Variants in AMMECR1 observed in about 807,000 individuals in gnomAD.
The protein encoded by AMMECR1 is AMMECR nuclear protein 1.
In AMMECR1, 3 loss-of-function variants were observed where a neutral mutation model predicts 22.5. The ratio of observed to expected loss-of-function variants is 0.13; its 90% CI spans 0.06 to 0.35. The LOEUF (loss-of-function observed/expected upper bound fraction) is 0.35. Ranked by LOEUF, AMMECR1 falls within the 10% of genes least tolerant of loss-of-function variation. The probability of loss-of-function intolerance (pLI) is 1.00; values close to 1 mark genes in which losing one functional copy is unlikely to be tolerated. For synonymous variants in AMMECR1, 130 were observed against 116.7 expected, an observed-to-expected ratio of 1.11 and a Z score of -0.74; for missense variants, 235 against 278.7, an observed-to-expected ratio of 0.84 and a Z score of 1.12.
chrX:110,405,087 GTCC>G (rs1185153609), intron 2 of AMMECR1, among the ~76,000 whole-genome samples: 7 of 76,626 alleles, frequency 9.1e-5, no homozygotes, highest in African/African-American at 6.3e-4. Context: ...TGCTTGTTGT[GTCC>G]CCCCCCCCCC....
intron 2 of AMMECR1, among the ~76,000 whole-genome samples, chrX:110,325,219 T>A (rs1019321516): frequency 3.6e-5 from 4 of 112,161 alleles, no homozygotes. Context: ...GATATTTTGA[T>A]ACTAGCTTAC....
chrX:110,231,064 GA>G (rs1382936314), intron 2 of AMMECR1, among the ~76,000 whole-genome samples: 1 of 112,325 alleles, frequency 8.9e-6, no homozygotes, highest in Non-Finnish European at 1.9e-5. Flanking sequence ...TGGTGTACCT[GA>G]AAGTGATGGG....
intron 2 of AMMECR1, among the ~76,000 whole-genome samples, chrX:110,371,631 G>C (rs1362691604): frequency 2.7e-5 from 3 of 111,269 alleles, no homozygotes; most frequent in Non-Finnish European, 3.8e-5. Flanking sequence ...ACTAACAGGG[G>C]ACTGGAGATC....
At chrX:110,199,751 C>T (rs1468127210) in intron 5 of AMMECR1, among the ~76,000 whole-genome samples, 1 of 111,259 alleles carries the variant, frequency 9.0e-6, no homozygotes, top group African/African-American at 3.3e-5. Context: ...CCCTGTTGCA[C>T]CTCTTTTGGA....
intron 1 of AMMECR1, among the ~76,000 whole-genome samples, chrX:110,292,175 A>G (rs1218849440): frequency 8.9e-6 from 1 of 112,409 alleles, no homozygotes; most frequent in Non-Finnish European, 1.9e-5. Context: ...TTTTAAAAAG[A>G]AAAGAACCAG....
At position 110,298,070 on chromosome X, in the gene AMMECR1, T is replaced by C. The variant is rs185083110; in HGVS notation, c.473+19529A>G. On this transcript the variant is annotated intron_variant, in intron 1 of 5. Coordinates refer to ENST00000262844, the MANE Select transcript of AMMECR1 (RefSeq NM_015365.3). The stretch of plus-strand genomic sequence containing the variant: ...AAATACTGCTTTATTTTTTTAAAGA[T>C]TCACATACTTTAATTTTAAATAAAA... Among the ~76,000 whole-genome samples, 4 of 111,849 alleles carry C rather than the reference T, an allele frequency of 3.6e-5. No individual in the cohort carries two copies. In the East Asian group the frequency reaches 1.1e-3, roughly 31 times the overall value.
At chrX:110,288,483 C>T (rs2067892103) in intron 1 of AMMECR1, among the ~76,000 whole-genome samples, 1 of 111,980 alleles carries the variant, frequency 8.9e-6, no homozygotes, top group Non-Finnish European at 1.9e-5. Flanking sequence ...TCAGATTGTG[C>T]GCTCTCAGAA....
intron 2 of AMMECR1, among the ~76,000 whole-genome samples, chrX:110,254,799 A>G (rs2067702634): frequency 8.9e-6 from 1 of 112,282 alleles, no homozygotes; most frequent in Admixed American, 9.5e-5. Flanking sequence ...ATTCTTTAAA[A>G]TAAGGTGCAA....
intron 2 of AMMECR1, among the ~76,000 whole-genome samples, chrX:110,336,718 T>C (rs2068143241): frequency 9.1e-6 from 1 of 109,594 alleles, no homozygotes; most frequent in East Asian, 2.9e-4. Flanking sequence ...AAATCTAATA[T>C]GGAGCCCATG....
rs1405764393 is a variant in AMMECR1 at position 110,367,758 on chromosome X, T to G, written c.-147-49909A>C. Among the ~76,000 whole-genome samples, 3 of 110,620 alleles carry G rather than the reference T, an allele frequency of 2.7e-5. 1 individual carries two copies. The highest frequency in any genetic ancestry group is 9.9e-5 in the African/African-American group (3 of 30,430). ...CTTGGAGTCTGACTTGACTCCCTTT[T>G]TCTCTCACACTCCAGATCCTATCTA... On this transcript the variant is annotated intron_variant, in intron 2 of 7. Coordinates refer to the AMMECR1 transcript ENST00000372057.
chrX:110,241,201 G>C (rs1179210937), intron 2 of AMMECR1, among the ~76,000 whole-genome samples: 2 of 110,970 alleles, frequency 1.8e-5, no homozygotes, highest in East Asian at 5.6e-4. Context: ...AAATTCAAAA[G>C]CTAGCAGAAG....
chrX:110,291,525 T>C (rs947249637), intron 1 of AMMECR1, among the ~76,000 whole-genome samples: 1 of 110,461 alleles, frequency 9.1e-6, no homozygotes, highest in Non-Finnish European at 1.9e-5. Flanking sequence ...GACTCTGTCT[T>C]AATAATAATA....
At chrX:110,222,866 G>A (rs943513996) in intron 2 of AMMECR1, among the ~76,000 whole-genome samples, 9 of 111,191 alleles carry the variant, frequency 8.1e-5, no homozygotes, top group African/African-American at 2.9e-4. Flanking sequence ...ATATATTATC[G>A]GGCTTCTATC....
At chrX:110,234,093 C>T (rs1405725608) in intron 2 of AMMECR1, among the ~76,000 whole-genome samples, 1 of 112,022 alleles carries the variant, frequency 8.9e-6, no homozygotes, top group African/African-American at 3.3e-5. Flanking sequence ...TGTCTCAGCC[C>T]AAAATCTCCT....
intron 2 of AMMECR1, among the ~76,000 whole-genome samples, chrX:110,256,146 T>C (rs1207434574): frequency 8.9e-6 from 1 of 111,972 alleles, no homozygotes; most frequent in African/African-American, 3.2e-5. Context: ...GTACCTAGGC[T>C]ATATGATATA....
intron 2 of AMMECR1, among the ~76,000 whole-genome samples, chrX:110,222,382 T>A (rs1434775766): frequency 1.1e-3 from 92 of 85,227 alleles, no homozygotes; most frequent in African/African-American, 3.8e-3. Context: ...CACTCATAGG[T>A]GGGAATTGAA....
At chrX:110,414,063 T>A (rs1165675569) in intron 2 of AMMECR1, among the ~76,000 whole-genome samples, 3 of 111,754 alleles carry the variant, frequency 2.7e-5, no homozygotes, top group Non-Finnish European at 5.6e-5. Flanking sequence ...ATCTTGCGTA[T>A]ATCCCCAATT....
intron 2 of AMMECR1, among the ~76,000 whole-genome samples, chrX:110,405,738 G>A (rs941022794): frequency 2.7e-5 from 3 of 111,316 alleles, no homozygotes; most frequent in African/African-American, 6.5e-5. Context: ...ATTTCCATAG[G>A]AGGAAACGGG....
intron 1 of AMMECR1, among the ~76,000 whole-genome samples, chrX:110,274,421 G>A (rs1352153865): frequency 5.4e-5 from 6 of 110,655 alleles, no homozygotes; most frequent in African/African-American, 2.0e-4. Context: ...CATGTATTTT[G>A]AGGATCTGTT....
Sources: gnomAD v4.1 joint callset for allele counts (sites outside exome capture counted in the v4.1 genomes callset) on GRCh38, gnomAD v4.1.1 for gene constraint, MANE v1.5 for transcripts, NCBI Gene and HGNC (gene_info 2026-07-23, HGNC 2026-07-21) for gene names.